NRXN3: variants seen among roughly 807,000 people sequenced by gnomAD.
NRXN3 encodes the protein neurexin III.
A neutral mutation model predicts 137.6 loss-of-function variants in NRXN3; 32 were observed. The ratio of observed to expected loss-of-function variants is 0.23; its 90% CI spans 0.18 to 0.31. The LOEUF is 0.31. Among genes scored for constraint, NRXN3 ranks in the 10% least tolerant of loss-of-function variants. The probability of loss-of-function intolerance (pLI) is 1.00; values close to 1 mark genes in which losing one functional copy is unlikely to be tolerated. For missense variants in NRXN3, 1,574 were observed against 2,062.5 expected, an observed-to-expected ratio of 0.76 and a Z score of 4.59; for synonymous variants, 798 against 784.5, an observed-to-expected ratio of 1.02 and a Z score of -0.29.
intron 17 of NRXN3, among the ~76,000 whole-genome samples, chr14:79,675,127 G>T (rs1042079406): frequency 6.6e-6 from 1 of 152,002 alleles, no homozygotes; most frequent in African/African-American, 2.4e-5. Context: ...CTAGTAGGTG[G>T]CAGAACCAAC....
chr14:78,199,837 G>A (rs1028409586), intron 1 of NRXN3, among the ~76,000 whole-genome samples: 5 of 152,212 alleles, frequency 3.3e-5, no homozygotes, highest in Admixed American at 2.0e-4. Flanking sequence ...TGAGGTGGAA[G>A]CATTCCAACC....
At chr14:78,261,623 A>G (rs2070735965) in intron 2 of NRXN3, among the ~76,000 whole-genome samples, 1 of 152,204 alleles carries the variant, frequency 6.6e-6, no homozygotes, top group African/African-American at 2.4e-5. Context: ...TAAAGTGAAT[A>G]TTATTTCAAT....
chr14:79,453,797 T>C (rs1279254147), intron 15 of NRXN3, among the ~76,000 whole-genome samples: 1 of 152,216 alleles, frequency 6.6e-6, no homozygotes, highest in Non-Finnish European at 1.5e-5. Flanking sequence ...CTTCTTTTTT[T>C]ACTCCCCAAA....
At chr14:78,347,354 T>C (rs77329968) in intron 4 of NRXN3, among the ~76,000 whole-genome samples, 4,313 of 152,340 alleles carry the variant, frequency 0.028, 79 homozygotes, top group Non-Finnish European at 0.035. Flanking sequence ...TTTCTTCTTT[T>C]GATAGTGTAC....
chr14:78,657,227 G>C (rs1286658038), intron 6 of NRXN3, among the ~76,000 whole-genome samples: 5 of 151,996 alleles, frequency 3.3e-5, no homozygotes, highest in Non-Finnish European at 7.4e-5. Context: ...CTCTGTCCTT[G>C]GCATTACTGA....
intron 4 of NRXN3, among the ~76,000 whole-genome samples, chr14:78,596,344 C>T (rs896291430): frequency 6.6e-6 from 1 of 151,666 alleles, no homozygotes; most frequent in Non-Finnish European, 1.5e-5. Context: ...GTCCCTTGGA[C>T]GTGGGGTGGG....
intron 15 of NRXN3, among the ~76,000 whole-genome samples, chr14:79,056,641 C>T (rs1230347351): frequency 2.0e-5 from 3 of 152,178 alleles, no homozygotes; most frequent in Non-Finnish European, 4.4e-5. Context: ...GAATTGCCCA[C>T]AGAACCTTTA....
At chr14:79,014,549 G>T (rs981341414) in intron 15 of NRXN3, among the ~76,000 whole-genome samples, 7 of 152,250 alleles carry the variant, frequency 4.6e-5, no homozygotes, top group Middle Eastern at 3.4e-3. Flanking sequence ...ATTGTGAATA[G>T]TGCTGCAATG....
At chr14:79,663,105 A>G (rs2153986267) in intron 16 of NRXN3, among the ~76,000 whole-genome samples, 1 of 152,182 alleles carries the variant, frequency 6.6e-6, no homozygotes, top group Non-Finnish European at 1.5e-5. Flanking sequence ...GATTAATCTG[A>G]GGAGTAGGGC....
At chr14:78,832,299 G>C (rs960766166) in intron 10 of NRXN3, among the ~76,000 whole-genome samples, 1 of 152,098 alleles carries the variant, frequency 6.6e-6, no homozygotes, top group Non-Finnish European at 1.5e-5. Context: ...AGTTGTTCTT[G>C]CCAAGAAAGA....
intron 1 of NRXN3, among the ~76,000 whole-genome samples, chr14:78,183,227 T>C (rs1569324): frequency 0.66 from 100,243 of 151,542 alleles, 33,192 homozygotes; most frequent in Middle Eastern, 0.71. Flanking sequence ...CTGGAAACCC[T>C]AGTAAATGAC....
At chr14:78,467,693 C>T (rs1357356736) in intron 4 of NRXN3, among the ~76,000 whole-genome samples, 1 of 152,216 alleles carries the variant, frequency 6.6e-6, no homozygotes, top group Non-Finnish European at 1.5e-5. Flanking sequence ...TAACATCTCA[C>T]CACTGTAGAC....
At chr14:79,836,561 A>C (rs1005380170) in intron 20 of NRXN3, among the ~76,000 whole-genome samples, 1 of 152,144 alleles carries the variant, frequency 6.6e-6, no homozygotes, top group Non-Finnish European at 1.5e-5. Flanking sequence ...CCACCTTTAT[A>C]ATAGGAGTTC....
intron 16 of NRXN3, among the ~76,000 whole-genome samples, chr14:79,651,865 T>C (rs1056095919): frequency 2.6e-5 from 4 of 152,194 alleles, no homozygotes; most frequent in Non-Finnish European, 5.9e-5. Context: ...ACCAGTTCCA[T>C]TCCCTAAAGC....
At position 78,524,067 on chromosome 14, in the gene NRXN3, A is replaced by G. The variant is rs141352470; in HGVS notation, c.758-121053A>G. On this transcript the variant is annotated intron_variant, in intron 4 of 20. Coordinates refer to ENST00000335750, the MANE Select transcript of NRXN3 (RefSeq NM_001330195.2). ...CCATAGATTTTGGCATTTTGTTATT[A>G]TCACAAAGTATGCTAGACATACACC... Among the ~76,000 whole-genome samples, 6 of 152,338 alleles carry G rather than the reference A, an allele frequency of 3.9e-5. No individual in the cohort carries two copies. The East Asian group carries it at 9.6e-4, about 24-fold the overall frequency.
chr14:79,376,239 T>C (rs1210606578), intron 15 of NRXN3, among the ~76,000 whole-genome samples: 10 of 105,440 alleles, frequency 9.5e-5, no homozygotes, highest in African/African-American at 3.4e-4. Context: ...TATATATATA[T>C]ATATATATAT....
chr14:79,385,666 T>A (rs2094593334), intron 15 of NRXN3, among the ~76,000 whole-genome samples: 1 of 152,080 alleles, frequency 6.6e-6, no homozygotes. Flanking sequence ...CTCACAAGGT[T>A]TGGCTGTTTA....
At position 79,649,596 on chromosome 14, in the gene NRXN3, C is replaced by T. The variant is rs373683275; in HGVS notation, c.3445-14182C>T. 3.9e-5 allele frequency among the ~76,000 whole-genome samples: 6 copies of T among 152,220 alleles called. No individual in the cohort carries two copies. The East Asian group carries it at 1.2e-3, about 30-fold the overall frequency. On this transcript the variant is annotated intron_variant, in intron 16 of 20. Coordinates refer to ENST00000335750, the MANE Select transcript of NRXN3 (RefSeq NM_001330195.2). ...CTTGTCTGTGTTTGTATATGTTCAG[C>T]TCTGAGAGTCTTCCTTAACATTCAA...
intron 15 of NRXN3, among the ~76,000 whole-genome samples, chr14:79,357,835 G>A (rs1428686043): frequency 6.6e-6 from 1 of 152,172 alleles, no homozygotes; most frequent in African/African-American, 2.4e-5. Context: ...TTTAACTTCT[G>A]TGCTTTAGGA....
Sources: gnomAD v4.1 joint callset for allele counts (sites outside exome capture counted in the v4.1 genomes callset) on GRCh38, gnomAD v4.1.1 for gene constraint, MANE v1.5 for transcripts, NCBI Gene and HGNC (gene_info 2026-07-23, HGNC 2026-07-21) for gene names.